Variants in TMEM156 observed in about 807,000 individuals in gnomAD.
TMEM156 encodes transmembrane protein 156.
TMEM156 carries 28 observed loss-of-function variants against 30.5 expected under a neutral mutation model. That is an observed-to-expected ratio of 0.92 (90% CI 0.68 to 1.26). TMEM156 has a LOEUF of 1.26. Ranked by LOEUF, TMEM156 falls within the 50% of genes most tolerant of loss-of-function variation. The probability of loss-of-function intolerance (pLI) is 0.00; values close to 1 mark genes in which losing one functional copy is unlikely to be tolerated. For missense variants in TMEM156, 351 were observed against 340.6 expected (o/e 1.03, Z -0.24); for synonymous variants, 137 against 119.9 (o/e 1.14, Z -0.93).
At chr4:38,968,163 A>T (rs1278278550) in intron 6 of TMEM156, among the ~76,000 whole-genome samples, 1 of 152,198 alleles carries the variant, frequency 6.6e-6, no homozygotes, top group African/African-American at 2.4e-5. Flanking sequence ...GGAAACCTAG[A>T]GTCTCCACTA....
At chr4:38,978,335 A>G (rs541508044) in intron 5 of TMEM156, among the ~76,000 whole-genome samples, 50 of 152,342 alleles carry the variant, frequency 3.3e-4, no homozygotes, top group Middle Eastern at 3.4e-3. Flanking sequence ...TGTGCCCTCC[A>G]CGTCCCAAAT....
At position 38,986,321 on chromosome 4, in the gene TMEM156, T is replaced by C. The variant is rs749433326; in HGVS notation, c.823+15A>G. On this transcript the variant is annotated intron_variant, in intron 5 of 6. Transcript: ENST00000381938. ...TTTCCTGAGTGCTGTTTTGTTTACA[T>C]GCCACAGAACTTACCTGAAAGAACC... The C allele has an allele frequency of 1.2e-6, 2 of 1,601,782 alleles. No individual in the cohort carries two copies. Among genetic ancestry groups the C allele is most frequent in the African/African-American group, 1.3e-5 (1 of 74,714 alleles).
chr4:39,027,211 T>C (rs574740723), intron 1 of TMEM156, among the ~76,000 whole-genome samples: 15 of 152,314 alleles, frequency 9.8e-5, no homozygotes, highest in Middle Eastern at 3.4e-3. Flanking sequence ...GGATTACTGA[T>C]TAAATATTTA....
chr4:39,007,128 GT>G (rs1215068550), intron 1 of TMEM156, among the ~76,000 whole-genome samples: 1 of 152,066 alleles, frequency 6.6e-6, no homozygotes, highest in Admixed American at 6.6e-5. Context: ...GTGTTTCCGG[GT>G]TCTCAATTTT....
chr4:39,007,443 A>AT (rs1289566447), intron 1 of TMEM156, among the ~76,000 whole-genome samples: 1 of 151,546 alleles, frequency 6.6e-6, no homozygotes, highest in Non-Finnish European at 1.5e-5. Context: ...TTATTTATCT[A>AT]TTTTTTATTT....
chr4:39,010,064 T>C (rs559632878), intron 1 of TMEM156, among the ~76,000 whole-genome samples: 95 of 152,214 alleles, frequency 6.2e-4, no homozygotes, highest in Middle Eastern at 3.4e-3. Context: ...AAAATCAATG[T>C]ACAAAAATCA....
At chr4:38,978,187 T>G (rs945148811) in intron 5 of TMEM156, among the ~76,000 whole-genome samples, 1 of 152,236 alleles carries the variant, frequency 6.6e-6, no homozygotes, top group African/African-American at 2.4e-5. Flanking sequence ...CAGCCATTTT[T>G]TTTTATTCTC....
intron 3 of TMEM156, 122 bp from the exon 4 acceptor site, chr4:38,989,092 C>A (rs1299540825): frequency 9.5e-6 from 9 of 948,918 alleles, no homozygotes; most frequent in Non-Finnish European, 9.4e-6. Flanking sequence ...GAAATTATGA[C>A]CATCACTGTT....
At chr4:38,992,762 ATT>A (rs202114913) in intron 3 of TMEM156, among the ~76,000 whole-genome samples, 10,213 of 95,556 alleles carry the variant, frequency 0.11, 518 homozygotes, top group Middle Eastern at 0.18. Context: ...ATATATATAT[ATT>A]TTTTTTTGTC....
At chr4:39,009,480 T>C (rs1713964340) in intron 1 of TMEM156, among the ~76,000 whole-genome samples, 2 of 152,054 alleles carry the variant, frequency 1.3e-5, no homozygotes, top group Non-Finnish European at 2.9e-5. Flanking sequence ...TTGATGAACA[T>C]AGATGCAAAA....
intron 2 of TMEM156, among the ~76,000 whole-genome samples, chr4:38,996,954 G>T (rs1712977122): frequency 6.6e-6 from 1 of 152,202 alleles, no homozygotes; most frequent in African/African-American, 2.4e-5. Context: ...TCCATTGATA[G>T]ATGAGTGGAT....
chr4:38,977,066 G>A (rs562988886), intron 5 of TMEM156, among the ~76,000 whole-genome samples: 2 of 152,010 alleles, frequency 1.3e-5, no homozygotes, highest in Non-Finnish European at 2.9e-5. Flanking sequence ...CCACCACACC[G>A]GCTAATTTTT....
At chr4:38,994,966 G>T (rs1295311773) in intron 2 of TMEM156, among the ~76,000 whole-genome samples, 1 of 151,970 alleles carries the variant, frequency 6.6e-6, no homozygotes, top group Non-Finnish European at 1.5e-5. Context: ...ACAGAAGTTT[G>T]TCTCACAGTT....
chr4:38,975,941 A>G lies in TMEM156; in HGVS notation c.824-4804T>C, dbSNP rs149619436. On this transcript the variant is annotated intron_variant, in intron 5 of 6. Coordinates refer to ENST00000381938, the MANE Select transcript of TMEM156 (RefSeq NM_024943.3). ...CTGAATTAAAGAGGTAAAATCCCTT[A>G]AAAGAGAAACGGCCCTTCCTGAGGT... Among the ~76,000 whole-genome samples, 44 of 152,230 alleles carry G rather than the reference A, an allele frequency of 2.9e-4. No homozygotes were observed. In the East Asian group the frequency reaches 7.9e-3, roughly 27 times the overall value.
At chr4:39,021,009 A>G (rs552452055) in intron 1 of TMEM156, among the ~76,000 whole-genome samples, 1 of 152,244 alleles carries the variant, frequency 6.6e-6, no homozygotes, top group East Asian at 1.9e-4. Flanking sequence ...GTGAGATAAT[A>G]TTTCACTGTA....
At chr4:39,018,592 C>A (rs1714656571) in intron 1 of TMEM156, among the ~76,000 whole-genome samples, 1 of 152,208 alleles carries the variant, frequency 6.6e-6, no homozygotes, top group South Asian at 2.1e-4. Context: ...TCTAGGTCAA[C>A]AAAAATTTTG....
intron 5 of TMEM156, among the ~76,000 whole-genome samples, chr4:38,983,399 T>G (rs1396573177): frequency 6.6e-6 from 1 of 152,154 alleles, no homozygotes; most frequent in Non-Finnish European, 1.5e-5. Flanking sequence ...GGGGTACGTT[T>G]TAAAGTTACT....
At chr4:38,992,725 A>T (rs1386441401) in intron 3 of TMEM156, among the ~76,000 whole-genome samples, 35 of 51,106 alleles carry the variant, frequency 6.8e-4, no homozygotes, top group African/African-American at 1.7e-3. Context: ...TATATATATA[A>T]TATATATATA....
Position 38,977,232 on chromosome 4 carries a change from A to G in TMEM156, c.824-6095T>C, listed in dbSNP as rs146474800. Among the ~76,000 whole-genome samples the G allele has an allele frequency of 1.2e-3, 189 of 152,300 alleles. 1 individual carries two copies. Among genetic ancestry groups the G allele is most frequent in the African/African-American group, 4.4e-3 (181 of 41,568 alleles). ...GATCATTCTTTATAAAGGTTAAGAT[A>G]TCAAAAGAGCCTATTCATGAAACTA... On this transcript the variant is annotated intron_variant, in intron 5 of 6. Transcript: ENST00000381938.
Sources: gnomAD v4.1 joint callset for allele counts (sites outside exome capture counted in the v4.1 genomes callset) on GRCh38, gnomAD v4.1.1 for gene constraint, MANE v1.5 for transcripts, NCBI Gene and HGNC (gene_info 2026-07-23, HGNC 2026-07-21) for gene names.